Variants in FERRY3 observed in about 807,000 individuals in gnomAD.
FERRY3 encodes the protein FERRY endosomal RAB5 effector complex subunit 3, also known as protein C12orf4.
the FERRY3 span, among the ~76,000 whole-genome samples, chr12:4,531,619 T>G: frequency 2.6e-5 from 4 of 152,328 alleles, no homozygotes; most frequent in Admixed American, 2.6e-4. Flanking sequence ...AGGAAGTGAC[T>G]GCAGAGAGAA....
chr12:4,513,588 C>A, the FERRY3 span, among the ~76,000 whole-genome samples: 54 of 151,966 alleles, frequency 3.6e-4, no homozygotes, highest in East Asian at 7.7e-4. Flanking sequence ...GAAATAACGC[C>A]ACATATCTAC....
chr12:4,511,639 A>G, the FERRY3 span, among the ~76,000 whole-genome samples: 4 of 151,022 alleles, frequency 2.6e-5, no homozygotes, highest in Non-Finnish European at 5.9e-5. Flanking sequence ...CTGAATGACT[A>G]CTGGGTACAT....
the FERRY3 span, among the ~76,000 whole-genome samples, chr12:4,500,901 T>G: frequency 1.3e-5 from 2 of 152,248 alleles, no homozygotes; most frequent in African/African-American, 4.8e-5. Flanking sequence ...TCCGCCCGCC[T>G]TGGCCTCCCA....
the FERRY3 span, among the ~76,000 whole-genome samples, chr12:4,491,466 A>AAT: frequency 1.3e-5 from 2 of 152,126 alleles, no homozygotes; most frequent in Non-Finnish European, 2.9e-5. Flanking sequence ...ACAGTTAAAA[A>AAT]ATATATATAT....
chr12:4,517,968 T>C, the FERRY3 span: 1 of 1,203,750 alleles, frequency 8.3e-7, no homozygotes, highest in Non-Finnish European at 1.2e-6. Context: ...GATTAAAATT[T>C]TTTTTCATTT....
At chr12:4,527,117 T>G in the FERRY3 span, among the ~76,000 whole-genome samples, 1 of 152,048 alleles carries the variant, frequency 6.6e-6, no homozygotes, top group Admixed American at 6.6e-5. Context: ...TACAAACAGA[T>G]ATAAATATAT....
At chr12:4,525,168 A>G in the FERRY3 span, 8 of 1,460,798 alleles carry the variant, frequency 5.5e-6, no homozygotes, top group South Asian at 1.1e-4. Flanking sequence ...AAAAAGACAT[A>G]CAGCTAAAAG....
chr12:4,529,076 A>G, the FERRY3 span, among the ~76,000 whole-genome samples: 32 of 152,142 alleles, frequency 2.1e-4, no homozygotes, highest in African/African-American at 7.0e-4. Context: ...CTAAATTACA[A>G]TGGATTATCT....
At chr12:4,507,662 A>G in the FERRY3 span, among the ~76,000 whole-genome samples, 1 of 152,266 alleles carries the variant, frequency 6.6e-6, no homozygotes, top group Admixed American at 6.5e-5. Flanking sequence ...AATGTCTATT[A>G]GGAGGAGACT....
chr12:4,522,055 A>C, the FERRY3 span, among the ~76,000 whole-genome samples: 13 of 152,300 alleles, frequency 8.5e-5, no homozygotes, highest in African/African-American at 3.1e-4. Context: ...AAAATAAACT[A>C]TGGACTTTGA....
chr12:4,528,691 C>T, the FERRY3 span, among the ~76,000 whole-genome samples: 5 of 151,970 alleles, frequency 3.3e-5, no homozygotes, highest in Non-Finnish European at 7.4e-5. Context: ...TAATTTAGTA[C>T]ACAGAAGAGA....
At chr12:4,493,908 C>G in the FERRY3 span, among the ~76,000 whole-genome samples, 10 of 152,158 alleles carry the variant, frequency 6.6e-5, no homozygotes, top group Admixed American at 2.0e-4. Flanking sequence ...GCCTGGCCAA[C>G]GTGGTGAAAC....
the FERRY3 span, among the ~76,000 whole-genome samples, chr12:4,528,938 CAA>C: frequency 0.013 from 1,562 of 118,728 alleles, 8 homozygotes; most frequent in South Asian, 0.027. Flanking sequence ...CACACACACA[CAA>C]ACAAAAGTGA....
the FERRY3 span, among the ~76,000 whole-genome samples, chr12:4,498,296 C>T: frequency 1.3e-5 from 2 of 152,142 alleles, no homozygotes; most frequent in African/African-American, 4.8e-5. Context: ...GGATGAATTT[C>T]TTGTGGTAGG....
chr12:4,505,148 C>T, the FERRY3 span, among the ~76,000 whole-genome samples: 1 of 152,142 alleles, frequency 6.6e-6, no homozygotes, highest in Non-Finnish European at 1.5e-5. Flanking sequence ...TGGAAAACGT[C>T]TGTGAAAGTG....
chr12:4,498,972 C>T, the FERRY3 span, among the ~76,000 whole-genome samples: 3 of 152,146 alleles, frequency 2.0e-5, no homozygotes, highest in African/African-American at 4.8e-5. Flanking sequence ...GGTTCTTGGC[C>T]TGGCAGTTTG....
At chr12:4,500,427 A>G in the FERRY3 span, 26 of 1,191,384 alleles carry the variant, frequency 2.2e-5, no homozygotes, top group African/African-American at 3.0e-5. Context: ...GTAATGGGCA[A>G]TCAATGTGTT....
the FERRY3 span, among the ~76,000 whole-genome samples, chr12:4,507,170 T>A: frequency 6.6e-6 from 1 of 152,188 alleles, no homozygotes; most frequent in Non-Finnish European, 1.5e-5. Flanking sequence ...ATCTTCATGC[T>A]TTTAGTCACT....
At chr12:4,535,713 C>T in the FERRY3 span, among the ~76,000 whole-genome samples, 13,397 of 152,186 alleles carry the variant, frequency 0.088, 704 homozygotes, top group Non-Finnish European at 0.12. The surrounding 1 kb of genome is among the most constrained non-coding windows in gnomAD (Gnocchi z 4.0). Flanking sequence ...GCACAATTAG[C>T]GATAGCTAAA....
Sources: allele counts gnomAD v4.1 joint callset (sites outside exome capture counted in the v4.1 genomes callset), GRCh38; gene constraint gnomAD v4.1.1; non-coding constraint Gnocchi (gnomAD v3.1); transcripts MANE v1.5; gene names NCBI Gene and HGNC (gene_info 2026-07-23, HGNC 2026-07-21).